The following FUT9 variants were observed in gnomAD, a reference collection of about 807,000 sequenced individuals.
The protein encoded by FUT9 is fucosyltransferase 9, also known as 4-galactosyl-N-acetylglucosaminide 3-alpha-L-fucosyltransferase 9.
FUT9 carries 15 observed loss-of-function variants against 29.7 expected under a neutral mutation model. That is an observed-to-expected ratio of 0.51 (90% CI 0.34 to 0.78). The LOEUF is 0.78. FUT9 is among the 30% of genes least tolerant of loss of function. The probability of loss-of-function intolerance (pLI) is 0.01; values close to 1 mark genes in which losing one functional copy is unlikely to be tolerated. For missense variants in FUT9, 319 were observed against 425.4 expected (o/e 0.75, Z 2.20); for synonymous variants, 169 against 153.7 (o/e 1.10, Z -0.74).
intron 1 of FUT9, among the ~76,000 whole-genome samples, chr6:96,081,703 A>G (rs906476906): frequency 6.6e-6 from 1 of 151,866 alleles, no homozygotes; most frequent in Non-Finnish European, 1.5e-5. Flanking sequence ...GAGTAGAAGA[A>G]CAAAGTTGAG....
intron 2 of FUT9, among the ~76,000 whole-genome samples, chr6:96,191,602 TA>T (rs1266180047): frequency 1.3e-5 from 2 of 151,856 alleles, no homozygotes; most frequent in Non-Finnish European, 2.9e-5. Flanking sequence ...GCTTACCAAC[TA>T]AAAAAAGTCC....
At chr6:96,092,385 A>G (rs1045524758) in intron 1 of FUT9, among the ~76,000 whole-genome samples, 8 of 151,700 alleles carry the variant, frequency 5.3e-5, no homozygotes, top group Non-Finnish European at 1.2e-4. Flanking sequence ...TATATTCACA[A>G]CAAGTATATT....
At chr6:96,134,015 T>C (rs1772300593) in intron 2 of FUT9, among the ~76,000 whole-genome samples, 2 of 151,732 alleles carry the variant, frequency 1.3e-5, no homozygotes, top group South Asian at 4.1e-4. Flanking sequence ...GACTCCTAAG[T>C]ATAGAAGCCC....
chr6:96,039,858 A>C (rs890516670), intron 1 of FUT9, among the ~76,000 whole-genome samples: 1 of 152,144 alleles, frequency 6.6e-6, no homozygotes, highest in African/African-American at 2.4e-5. Context: ...CTTCCTTTCC[A>C]TGTGGGGTTT....
At chr6:96,200,106 C>A (rs142123475) in intron 2 of FUT9, among the ~76,000 whole-genome samples, 2,671 of 152,156 alleles carry the variant, frequency 0.018, 31 homozygotes, top group Non-Finnish European at 0.027. Flanking sequence ...TTTTGGGCCT[C>A]AGTTTCTTTA....
At chr6:96,197,665 G>A (rs139541504) in intron 2 of FUT9, among the ~76,000 whole-genome samples, 1 of 152,140 alleles carries the variant, frequency 6.6e-6, no homozygotes, top group African/African-American at 2.4e-5. Context: ...ACTATACAGT[G>A]ACTGTCAAAT....
chr6:96,192,886 C>G (rs111947277), intron 2 of FUT9, among the ~76,000 whole-genome samples: 1 of 151,740 alleles, frequency 6.6e-6, no homozygotes, highest in Non-Finnish European at 1.5e-5. Context: ...CAGAGCCCTC[C>G]GAAATAATGC....
intron 2 of FUT9, among the ~76,000 whole-genome samples, chr6:96,123,715 G>A (rs2127966002): frequency 6.6e-6 from 1 of 152,170 alleles, no homozygotes; most frequent in Middle Eastern, 3.4e-3. Context: ...AACCACTTCT[G>A]GTGACTACTT....
chr6:96,178,129 G>A (rs2127985113), intron 2 of FUT9, among the ~76,000 whole-genome samples: 1 of 152,268 alleles, frequency 6.6e-6, no homozygotes, highest in Non-Finnish European at 1.5e-5. Flanking sequence ...CATAATGGCA[G>A]TGTTGGAAGC....
chr6:96,206,211 A>T lies in FUT9; in HGVS notation c.*1976A>T, dbSNP rs1773827025. On this transcript the variant is annotated 3_prime_UTR_variant, in exon 3 of 3. Coordinates refer to ENST00000302103, the MANE Select transcript of FUT9 (RefSeq NM_006581.4). ...TGTTTGACATGTTTCTGAGCTGCAA[A>T]CTTTGTCAACTCTTTTGACCCAACA... The T allele has an allele frequency of 1.2e-5, 2 of 167,034 alleles. No homozygotes were observed. The highest frequency in any genetic ancestry group is 4.8e-5 in the African/African-American group (2 of 41,450). The allele number at this position is 167,034 out of a possible 1,614,324, so 10.3% of individuals were successfully genotyped here.
chr6:96,144,821 A>G (rs1180966836), intron 2 of FUT9, among the ~76,000 whole-genome samples: 1 of 152,176 alleles, frequency 6.6e-6, no homozygotes, highest in Non-Finnish European at 1.5e-5. Flanking sequence ...ACAACACTGT[A>G]TAATCAGTAT....
At chr6:96,113,767 T>A (rs1339462923) in intron 1 of FUT9, among the ~76,000 whole-genome samples, 1 of 150,330 alleles carries the variant, frequency 6.7e-6, no homozygotes. Context: ...GGCCGGAGAA[T>A]GTCGTGAACC....
intron 1 of FUT9, among the ~76,000 whole-genome samples, chr6:96,021,336 A>T (rs1770065759): frequency 6.6e-6 from 1 of 151,938 alleles, no homozygotes; most frequent in Non-Finnish European, 1.5e-5. Flanking sequence ...GAACACAGGT[A>T]GTCCCAAACT....
At chr6:96,123,609 T>C (rs1303944382) in intron 2 of FUT9, among the ~76,000 whole-genome samples, 1 of 152,220 alleles carries the variant, frequency 6.6e-6, no homozygotes, top group Non-Finnish European at 1.5e-5. Context: ...GACTTGCAAA[T>C]GCATGTTCAC....
chr6:96,059,862 G>T (rs932171751), intron 1 of FUT9, among the ~76,000 whole-genome samples: 1 of 152,108 alleles, frequency 6.6e-6, no homozygotes, highest in Non-Finnish European at 1.5e-5. Context: ...TCCTAAATTG[G>T]AGTTGCCAAA....
chr6:96,133,143 C>T (rs924533117), intron 2 of FUT9, among the ~76,000 whole-genome samples: 16 of 151,684 alleles, frequency 1.1e-4, no homozygotes, highest in African/African-American at 3.9e-4. Context: ...ATAATAACAA[C>T]AATATTCTTG....
At chr6:96,142,940 A>G (rs1197876955) in intron 2 of FUT9, among the ~76,000 whole-genome samples, 1 of 152,132 alleles carries the variant, frequency 6.6e-6, no homozygotes. Context: ...TTTAAAAACT[A>G]TTTTTATGTA....
chr6:96,164,250 GTTCTT>G (rs1157502997), intron 2 of FUT9, among the ~76,000 whole-genome samples: 2 of 69,384 alleles, frequency 2.9e-5, no homozygotes, highest in African/African-American at 1.1e-4. Flanking sequence ...GGAGATCCAG[GTTCTT>G]TTTTTTTTTT....
At chr6:96,071,277 G>A (rs1184837296) in intron 1 of FUT9, among the ~76,000 whole-genome samples, 1 of 152,200 alleles carries the variant, frequency 6.6e-6, no homozygotes, top group Non-Finnish European at 1.5e-5. Context: ...TCCTGTAAGT[G>A]AGGAAGTATG....
Sources: allele counts gnomAD v4.1 joint callset (sites outside exome capture counted in the v4.1 genomes callset), GRCh38; gene constraint gnomAD v4.1.1; transcripts MANE v1.5; gene names NCBI Gene and HGNC (gene_info 2026-07-23, HGNC 2026-07-21).